Variants in SLC39A8 observed in about 807,000 individuals in gnomAD.
The protein encoded by SLC39A8 is metal cation symporter ZIP8.
SLC39A8 carries 15 observed loss-of-function variants against 40.4 expected under a neutral mutation model. That is an observed-to-expected ratio of 0.37 (90% CI 0.25 to 0.57). The LOEUF (loss-of-function observed/expected upper bound fraction) is 0.57. SLC39A8 is among the 20% of genes least tolerant of loss of function. SLC39A8 has a pLI of 0.75. For synonymous variants in SLC39A8, 223 were observed against 221.6 expected, an observed-to-expected ratio of 1.01 and a Z score of -0.06; for missense variants, 472 against 558.8, an observed-to-expected ratio of 0.84 and a Z score of 1.57.
intron 2 of SLC39A8, among the ~76,000 whole-genome samples, chr4:102,335,030 C>G (rs1454489155): frequency 6.6e-6 from 1 of 152,106 alleles, no homozygotes; most frequent in Non-Finnish European, 1.5e-5. Context: ...AAGGCCCTAC[C>G]CACAACATTT....
At chr4:102,289,339 C>A (rs1459035633) in intron 6 of SLC39A8, among the ~76,000 whole-genome samples, 1 of 152,138 alleles carries the variant, frequency 6.6e-6, no homozygotes, top group Admixed American at 6.6e-5. Context: ...ATTGACAGTG[C>A]ATCTAGTCAC....
chr4:102,318,142 T>A (rs1022884842), intron 2 of SLC39A8, among the ~76,000 whole-genome samples: 1 of 152,134 alleles, frequency 6.6e-6, no homozygotes, highest in Non-Finnish European at 1.5e-5. Flanking sequence ...CTGTACATCA[T>A]TAAAGACACC....
At chr4:102,324,314 G>A (rs972146626) in intron 2 of SLC39A8, 2 of 264,770 alleles carry the variant, frequency 7.6e-6, no homozygotes, top group Non-Finnish European at 1.6e-5. Flanking sequence ...AGAATCGCTT[G>A]AACCCAGAAG....
At chr4:102,319,040 T>C (rs1734780609) in intron 2 of SLC39A8, among the ~76,000 whole-genome samples, 1 of 152,210 alleles carries the variant, frequency 6.6e-6, no homozygotes, top group African/African-American at 2.4e-5. Flanking sequence ...ATGGGCCTTG[T>C]ATGTGTGAAA....
chr4:102,290,909 C>T (rs1047222709), intron 6 of SLC39A8, among the ~76,000 whole-genome samples: 2 of 152,036 alleles, frequency 1.3e-5, no homozygotes, highest in African/African-American at 2.4e-5. Context: ...GAATAAGAAC[C>T]CTTTTCCTTT....
chr4:102,331,159 T>C (rs1402862770), intron 2 of SLC39A8, among the ~76,000 whole-genome samples: 1 of 152,182 alleles, frequency 6.6e-6, no homozygotes, highest in African/African-American at 2.4e-5. Flanking sequence ...AACATAGTAC[T>C]GGAAGTTCTG....
intron 2 of SLC39A8, chr4:102,324,313 T>C (rs1398982657): frequency 1.1e-5 from 3 of 271,300 alleles, no homozygotes; most frequent in Non-Finnish European, 2.3e-5. Flanking sequence ...GAGAATCGCT[T>C]GAACCCAGAA....
At chr4:102,297,418 G>C (rs567131954) in intron 6 of SLC39A8, among the ~76,000 whole-genome samples, 31 of 152,176 alleles carry the variant, frequency 2.0e-4, no homozygotes, top group South Asian at 4.2e-4. Flanking sequence ...GATTAAACGA[G>C]TTAATATATG....
chr4:102,262,022 T>C lies in SLC39A8; in HGVS notation c.*1022A>G, dbSNP rs566505118. ...TCAAGGTATACCATATGGAAAAGTATAGGCTGAACACAAAGGAAGTCTTTT... is the reference window on the plus strand; with the variant it reads ...TCAAGGTATACCATATGGAAAAGTACAGGCTGAACACAAAGGAAGTCTTTT... On this transcript the variant is annotated 3_prime_UTR_variant, in exon 9 of 9. Transcript: ENST00000356736. The C allele has an allele frequency of 3.0e-6, 3 of 985,922 alleles. No homozygotes were observed. The highest frequency in any genetic ancestry group is 2.2e-4 in the East Asian group (2 of 8,956). The allele number at this position is 985,922 out of a possible 1,614,324, so 61.1% of individuals were successfully genotyped here.
At chr4:102,253,731 T>C (rs1444536827) in intron 11 of SLC39A8, among the ~76,000 whole-genome samples, 1 of 152,168 alleles carries the variant, frequency 6.6e-6, no homozygotes, top group Non-Finnish European at 1.5e-5. Context: ...TTTAAAATGA[T>C]TCATAATCCC....
chr4:102,308,279 C>A (rs1734279491), intron 3 of SLC39A8, among the ~76,000 whole-genome samples: 2 of 152,138 alleles, frequency 1.3e-5, no homozygotes, highest in South Asian at 4.1e-4. Context: ...ATTACATAAC[C>A]CACCCTGTGA....
At chr4:102,253,558 GA>G in intron 11 of SLC39A8, 1 of 482,940 alleles carries the variant, frequency 2.1e-6, no homozygotes, top group Non-Finnish European at 3.8e-6. Flanking sequence ...AGCTTTTTTA[GA>G]ATACATGTTC....
At chr4:102,342,239 G>A (rs1735974285) in intron 2 of SLC39A8, among the ~76,000 whole-genome samples, 1 of 152,190 alleles carries the variant, frequency 6.6e-6, no homozygotes, top group Non-Finnish European at 1.5e-5. Flanking sequence ...CGTGGCTCAT[G>A]CCTGTAATCC....
At chr4:102,285,147 A>G (rs1230303198) in intron 6 of SLC39A8, among the ~76,000 whole-genome samples, 1 of 152,194 alleles carries the variant, frequency 6.6e-6, no homozygotes, top group African/African-American at 2.4e-5. Context: ...ACCTGATAAC[A>G]AATAAAAAGT....
downstream of SLC39A8, among the ~76,000 whole-genome samples, chr4:102,258,592 C>T (rs1731767092): frequency 6.6e-6 from 1 of 152,186 alleles, no homozygotes; most frequent in Non-Finnish European, 1.5e-5. Context: ...TATTTCCTTA[C>T]TCCCCACTGT....
intron 2 of SLC39A8, among the ~76,000 whole-genome samples, chr4:102,338,091 C>T (rs1481296867): frequency 1.3e-5 from 2 of 151,994 alleles, no homozygotes; most frequent in Non-Finnish European, 2.9e-5. Flanking sequence ...ATGTGACAAT[C>T]ATATATGGCC....
intron 11 of SLC39A8, among the ~76,000 whole-genome samples, chr4:102,253,633 ACTT>A (rs1731642974): frequency 6.6e-6 from 1 of 152,068 alleles, no homozygotes; most frequent in African/African-American, 2.4e-5. Flanking sequence ...TCCCACCAAG[ACTT>A]CTTCTAATTT....
At chr4:102,320,168 CATATATATATATAT>C (rs70937533) in intron 2 of SLC39A8, among the ~76,000 whole-genome samples, 1 of 101,936 alleles carries the variant, frequency 9.8e-6, no homozygotes, top group African/African-American at 3.6e-5. Context: ...TATATATATA[CATATATATATATAT>C]ATATATATGT....
intron 6 of SLC39A8, among the ~76,000 whole-genome samples, chr4:102,274,774 C>T (rs1432148138): frequency 6.6e-6 from 1 of 152,178 alleles, no homozygotes; most frequent in Non-Finnish European, 1.5e-5. Flanking sequence ...CTCTACAAGC[C>T]AGAAGAGAGT....
Sources: allele counts gnomAD v4.1 joint callset (sites outside exome capture counted in the v4.1 genomes callset), GRCh38; gene constraint gnomAD v4.1.1; transcripts MANE v1.5; gene names NCBI Gene and HGNC (gene_info 2026-07-23, HGNC 2026-07-21).